Variants in SFXN1 observed in about 807,000 individuals in gnomAD.
The protein encoded by SFXN1 is sideroflexin-1.
SFXN1 carries 32 observed loss-of-function variants against 39.5 expected under a neutral mutation model. The ratio of observed to expected loss-of-function variants is 0.81; its 90% confidence interval spans 0.61 to 1.09. The LOEUF is 1.09. Among genes scored for constraint, SFXN1 ranks in the 50% least tolerant of loss-of-function variants. The pLI, the probability that SFXN1 is intolerant of heterozygous loss-of-function variation, is 0.00. For synonymous variants in SFXN1, 136 were observed against 146.5 expected, an observed-to-expected ratio of 0.93 and a Z score of 0.52; for missense variants, 402 against 407.1, an observed-to-expected ratio of 0.99 and a Z score of 0.11.
chr5:175,485,886 C>T (rs7737848), intron 1 of SFXN1, among the ~76,000 whole-genome samples: 13,098 of 152,220 alleles, frequency 0.086, 1,024 homozygotes, highest in African/African-American at 0.21. Flanking sequence ...CTGATTCTTC[C>T]GTCTGCGGAA....
chr5:175,511,475 T>G lies in SFXN1; in HGVS notation c.459T>G (p.Ser153=), dbSNP rs373887962. 6.9e-5 allele frequency: 112 copies of G among 1,614,098 alleles called. No individual in the cohort carries two copies. The highest frequency in any genetic ancestry group is 9.2e-5 in the Non-Finnish European group (108 of 1,180,018). ...TVNELGTAYV[S]ATTGAVATAL... ...GTGAGTTGGGAACAGCTTACGTTTC[T>G]GCAACAACTGGTGCCGTAGCAACAG... Residue 153 remains serine (S), a synonymous_variant, in exon 5 of 11, where the codon TCT becomes TCG. Coordinates refer to ENST00000321442, the MANE Select transcript of SFXN1 (RefSeq NM_022754.7).
chr5:175,492,050 G>GTTCGTAAGT, intron 1 of SFXN1, 45 bp from the exon 2 acceptor site: 1 of 1,465,352 alleles, frequency 6.8e-7, no homozygotes, highest in Non-Finnish European at 9.2e-7. Context: ...AATACGTAGT[G>GTTCGTAAGT]ACATTGTAAG....
chr5:175,509,321 C>T (rs1427255855), intron 3 of SFXN1, 119 bp downstream of exon 3: 2 of 975,648 alleles, frequency 2.0e-6, no homozygotes, highest in Non-Finnish European at 2.9e-6. Flanking sequence ...AAGTGACAAA[C>T]AAGGTAATTA....
At chr5:175,488,028 C>T (rs758270011) in intron 1 of SFXN1, among the ~76,000 whole-genome samples, 19 of 152,176 alleles carry the variant, frequency 1.2e-4, no homozygotes, top group African/African-American at 4.1e-4. Context: ...CTCCTGTGTC[C>T]GCTCTTATCT....
In SFXN1 at chr5:175,513,530, G is replaced by A; in HGVS notation, c.664G>A (p.Ala222Thr). The change falls in exon 7 of 11, where the codon GCG (alanine) becomes ACG (threonine). Residue 222 changes from alanine to threonine, a missense_variant. By Grantham distance (58) the Ala-to-Thr change is moderately conservative. Coordinates refer to ENST00000321442, the MANE Select transcript of SFXN1 (RefSeq NM_022754.7). ...GNRLGESANA[A>T]KQAITQVVVS... Reference sequence around the variant, plus strand: ...CCGCTTGGGGGAGTCGGCGAACGCTGCGAAACAAGCCATCACGCAAGTTGT... The same window carrying A: ...CCGCTTGGGGGAGTCGGCGAACGCTACGAAACAAGCCATCACGCAAGTTGT... The A allele has an allele frequency of 1.2e-6, 2 of 1,614,004 alleles. No individual in the cohort carries two copies. The highest frequency in any genetic ancestry group is 1.7e-6 in the Non-Finnish European group (2 of 1,179,982).
chr5:175,502,427 G>A (rs1325706735), intron 2 of SFXN1, among the ~76,000 whole-genome samples: 1 of 152,182 alleles, frequency 6.6e-6, no homozygotes, highest in Non-Finnish European at 1.5e-5. Flanking sequence ...AATGAAAAAG[G>A]ACAGCTTAAG....
At chr5:175,509,275 A>G (rs901723183) in intron 3 of SFXN1, 73 bp downstream of exon 3, 2 of 1,450,028 alleles carry the variant, frequency 1.4e-6, no homozygotes, top group Admixed American at 2.4e-5. Context: ...TATGTAAATA[A>G]TTTTGTTGAA....
At chr5:175,526,615 C>A in intron 10 of SFXN1, 23 bp from the exon 11 acceptor site, 2 of 1,601,216 alleles carry the variant, frequency 1.2e-6, no homozygotes, top group Non-Finnish European at 1.7e-6. Context: ...TGTAATAACC[C>A]TGTCATTTCT....
At chr5:175,496,646 A>G (rs1759870125) in intron 2 of SFXN1, among the ~76,000 whole-genome samples, 1 of 152,244 alleles carries the variant, frequency 6.6e-6, no homozygotes, top group East Asian at 1.9e-4. Context: ...AAGACTTTAA[A>G]ATTGGGTGGA....
intron 2 of SFXN1, among the ~76,000 whole-genome samples, chr5:175,493,023 G>T (rs1322372336): frequency 3.9e-5 from 6 of 152,236 alleles, no homozygotes; most frequent in Admixed American, 3.9e-4. Flanking sequence ...GGAGGCTGAG[G>T]TGGGTAGATC....
At chr5:175,509,394 A>G (rs376996879) in intron 3 of SFXN1, 192 bp downstream of exon 3, 10 of 408,658 alleles carry the variant, frequency 2.4e-5, no homozygotes, top group Non-Finnish European at 4.1e-5. Flanking sequence ...CTCCTTTAGT[A>G]TATACAATAA....
intron 1 of SFXN1, among the ~76,000 whole-genome samples, chr5:175,484,710 G>A (rs1473594444): frequency 2.6e-5 from 4 of 152,242 alleles, no homozygotes; most frequent in East Asian, 1.9e-4. Flanking sequence ...GGAGCGCTCC[G>A]TGTCAGCGCG....
At chr5:175,496,294 A>C (rs1298689878) in intron 2 of SFXN1, among the ~76,000 whole-genome samples, 1 of 151,582 alleles carries the variant, frequency 6.6e-6, no homozygotes. Context: ...GAATCACTTG[A>C]ACCCGGGAGG....
intron 6 of SFXN1, 108 bp from the exon 7 acceptor site, chr5:175,513,355 A>G: frequency 1.5e-6 from 1 of 665,458 alleles, no homozygotes; most frequent in East Asian, 4.5e-5. Context: ...ATGACACTTG[A>G]GTGGGTATTT....
At chr5:175,497,841 A>G (rs1340343047) in intron 2 of SFXN1, among the ~76,000 whole-genome samples, 2 of 151,278 alleles carry the variant, frequency 1.3e-5, no homozygotes, top group African/African-American at 2.4e-5. Context: ...GAGGCAGGAG[A>G]ATTGCTTGAA....
chr5:175,526,578 C>G, intron 10 of SFXN1, 60 bp from the exon 11 acceptor site: 1 of 1,406,308 alleles, frequency 7.1e-7, no homozygotes, highest in Non-Finnish European at 1.0e-6. Flanking sequence ...CCTGCTCTTT[C>G]TAGGTCCTGA....
chr5:175,511,866 C>A (rs1046938185), intron 5 of SFXN1, among the ~76,000 whole-genome samples: 3 of 127,620 alleles, frequency 2.4e-5, no homozygotes, highest in African/African-American at 1.0e-4. Context: ...TCTCTCTCCC[C>A]ACTCCAAAGC....
chr5:175,521,267 G>A (rs78345341), intron 8 of SFXN1, among the ~76,000 whole-genome samples: 1 of 114,272 alleles, frequency 8.8e-6, no homozygotes. Flanking sequence ...AAAAAAAAAA[G>A]TGTGACTAGC....
rs767957784 is a variant in SFXN1 at position 175,513,535 on chromosome 5, A to G, written c.669A>G (p.Lys223=). 1.2e-6 allele frequency: 2 copies of G among 1,613,966 alleles called. No homozygotes were observed. Among genetic ancestry groups the G allele is most frequent in the East Asian group, 2.2e-5 (1 of 44,848 alleles). The change falls in exon 7 of 11, where the codon AAA becomes AAG. Residue 223 remains lysine (K), a synonymous_variant. Coordinates refer to ENST00000321442, the MANE Select transcript of SFXN1 (RefSeq NM_022754.7). ...NRLGESANAA[K]QAITQVVVSR... is the part of the protein sequence containing the mutation. ...TGGGGGAGTCGGCGAACGCTGCGAA[A>G]CAAGCCATCACGCAAGTTGTCGTGT...
Sources: allele counts gnomAD v4.1 joint callset (sites outside exome capture counted in the v4.1 genomes callset), GRCh38; gene constraint gnomAD v4.1.1; transcripts MANE v1.5; gene names NCBI Gene and HGNC (gene_info 2026-07-23, HGNC 2026-07-21).